The following ATP2B2 variants were observed in gnomAD, a reference collection of about 807,000 sequenced individuals.
ATP2B2 encodes the protein plasma membrane calcium-transporting ATPase 2.
ATP2B2 carries 15 observed loss-of-function variants against 120.0 expected under a neutral mutation model. The observed-to-expected ratio is 0.12, with a 90% CI of 0.08 to 0.19. ATP2B2 has a LOEUF of 0.19. ATP2B2 is among the 10% of genes least tolerant of loss of function. The pLI is 1.00. For synonymous variants in ATP2B2, 694 were observed against 700.3 expected, an observed-to-expected ratio of 0.99 and a Z score of 0.14; for missense variants, 1,045 against 1,719.8, an observed-to-expected ratio of 0.61 and a Z score of 6.94.
At position 10,336,916 on chromosome 3, in the gene ATP2B2, C is replaced by T. The variant is rs2060132036; in HGVS notation, c.3420+1260G>A. 2.6e-5 allele frequency among the ~76,000 whole-genome samples: 4 copies of T among 152,240 alleles called. No homozygotes were observed. In the South Asian group the frequency reaches 8.3e-4, roughly 31 times the overall value. ...GCTTCCTCCCGTAATCTGGAGACCC[C>T]TGCGTGGCTTTGCCGCCAGGGCAGT... On this transcript the variant is annotated intron_variant, in intron 22 of 22. Coordinates refer to ENST00000360273, the MANE Select transcript of ATP2B2 (RefSeq NM_001001331.4).
At chr3:10,364,520 G>A (rs2060986453) in intron 12 of ATP2B2, among the ~76,000 whole-genome samples, 1 of 152,050 alleles carries the variant, frequency 6.6e-6, no homozygotes, top group Non-Finnish European at 1.5e-5. Context: ...AGACCAGTCT[G>A]GCCAAGATGT....
At chr3:10,579,514 A>G (rs1369216345) in intron 2 of ATP2B2, among the ~76,000 whole-genome samples, 1 of 152,192 alleles carries the variant, frequency 6.6e-6, no homozygotes. Context: ...TCTCTACTAA[A>G]AATACAATAA....
intron 1 of ATP2B2, among the ~76,000 whole-genome samples, chr3:10,672,949 C>T (rs757114893): frequency 4.6e-5 from 7 of 152,290 alleles, no homozygotes; most frequent in Admixed American, 2.0e-4. Context: ...AGAGAACACC[C>T]GCTGTGACAC....
chr3:10,655,499 C>T (rs547147054), intron 1 of ATP2B2, among the ~76,000 whole-genome samples: 64 of 110,956 alleles, frequency 5.8e-4, no homozygotes, highest in African/African-American at 3.3e-3. Flanking sequence ...TCCAGTCATC[C>T]AGACCCTTGC....
At chr3:10,331,229 G>T (rs2059970482) in intron 22 of ATP2B2, among the ~76,000 whole-genome samples, 1 of 152,208 alleles carries the variant, frequency 6.6e-6, no homozygotes, top group Non-Finnish European at 1.5e-5. Flanking sequence ...TTGTGGCTCT[G>T]CAGAGATGGT....
upstream of ATP2B2, among the ~76,000 whole-genome samples, chr3:10,507,195 G>C (rs1472418794): frequency 6.6e-6 from 1 of 152,204 alleles, no homozygotes; most frequent in Non-Finnish European, 1.5e-5. Flanking sequence ...AAGGCTCCCT[G>C]CTGGGGTTCT....
At chr3:10,509,137 T>C (rs140596424), upstream of ATP2B2, among the ~76,000 whole-genome samples, 31 of 152,068 alleles carry the variant, frequency 2.0e-4, no homozygotes, top group East Asian at 6.0e-3. Context: ...ACAAGGGCAA[T>C]AGAGGAGGCT....
intron 1 of ATP2B2, among the ~76,000 whole-genome samples, chr3:10,486,324 C>CGTGTGTGCGCGT (rs763360449): frequency 8.5e-6 from 1 of 117,088 alleles, no homozygotes; most frequent in Non-Finnish European, 2.1e-5. Context: ...TGTGTGCGTG[C>CGTGTGTGCGCGT]GTGTGTGTGT....
chr3:10,542,505 C>T lies in ATP2B2; in HGVS notation c.-414-8372G>A, dbSNP rs2067461627. ...TGTCTCCTTTCTGTTTGGAGAACTACAGCCATTCTTTTAGGATAGGTCTTC... is the reference window on the plus strand; with the variant it reads ...TGTCTCCTTTCTGTTTGGAGAACTATAGCCATTCTTTTAGGATAGGTCTTC... On this transcript the variant is annotated intron_variant, in intron 2 of 21. Coordinates refer to the ATP2B2 transcript ENST00000646379. Among the ~76,000 whole-genome samples, 3 of 152,198 alleles carry T rather than the reference C, an allele frequency of 2.0e-5. No individual in the cohort carries two copies. In the South Asian group the frequency reaches 6.2e-4, roughly 31 times the overall value.
intron 3 of ATP2B2, among the ~76,000 whole-genome samples, chr3:10,530,474 G>A (rs537435810): frequency 6.6e-6 from 1 of 152,332 alleles, no homozygotes; most frequent in South Asian, 2.1e-4. Flanking sequence ...GGCCTAGTGC[G>A]ACAGCTCCCT....
chr3:10,527,533 C>T (rs1302364419), intron 3 of ATP2B2, among the ~76,000 whole-genome samples: 2 of 152,166 alleles, frequency 1.3e-5, no homozygotes, highest in Non-Finnish European at 2.9e-5. Flanking sequence ...CTCATCAATA[C>T]CTACAGAGCT....
chr3:10,363,703 C>CTGTT (rs2060964782), intron 12 of ATP2B2, among the ~76,000 whole-genome samples: 1 of 151,524 alleles, frequency 6.6e-6, no homozygotes, highest in Admixed American at 6.6e-5. Flanking sequence ...AAGATGGCTA[C>CTGTT]TGTTAAAAAA....
chr3:10,547,748 T>C (rs1335703249), intron 2 of ATP2B2, among the ~76,000 whole-genome samples: 2 of 152,204 alleles, frequency 1.3e-5, no homozygotes, highest in Non-Finnish European at 2.9e-5. Flanking sequence ...GCATGGACTT[T>C]CCAAGTCCCT....
chr3:10,404,337 G>A (rs2062335339), intron 3 of ATP2B2, among the ~76,000 whole-genome samples: 1 of 152,218 alleles, frequency 6.6e-6, no homozygotes, highest in African/African-American at 2.4e-5. Context: ...GACCAGCCTT[G>A]GAGTAATGGT....
intron 1 of ATP2B2, among the ~76,000 whole-genome samples, chr3:10,680,221 C>A (rs914017685): frequency 9.2e-5 from 14 of 152,168 alleles, no homozygotes; most frequent in Admixed American, 9.2e-4. Context: ...GGGGAGATCA[C>A]TGGTCTTCTC....
intron 12 of ATP2B2, 80 bp downstream of exon 12, chr3:10,371,729 C>T (rs1575043908): frequency 6.2e-7 from 1 of 1,605,422 alleles, no homozygotes; most frequent in Non-Finnish European, 8.5e-7. Flanking sequence ...CTATGAATCA[C>T]ATTGCTCAAC....
intron 3 of ATP2B2, among the ~76,000 whole-genome samples, chr3:10,405,902 A>T (rs1348238962): frequency 6.6e-6 from 1 of 152,210 alleles, no homozygotes. Flanking sequence ...AGCTGTCACC[A>T]GCAGGGGGTT....
chr3:10,452,028 A>C (rs1164746775), intron 1 of ATP2B2, among the ~76,000 whole-genome samples: 1 of 152,250 alleles, frequency 6.6e-6, no homozygotes, highest in Non-Finnish European at 1.5e-5. Context: ...TAAATGAATA[A>C]GTGAATGAAT....
chr3:10,479,680 G>A (rs904336588), intron 1 of ATP2B2, among the ~76,000 whole-genome samples: 2 of 152,058 alleles, frequency 1.3e-5, no homozygotes, highest in African/African-American at 2.4e-5. Context: ...CTGTGTCTAC[G>A]TTTTCATCAC....
Sources: allele counts gnomAD v4.1 joint callset (sites outside exome capture counted in the v4.1 genomes callset), GRCh38; gene constraint gnomAD v4.1.1; transcripts MANE v1.5; gene names NCBI Gene and HGNC (gene_info 2026-07-23, HGNC 2026-07-21).